The following MRPL1 variants were observed in gnomAD, a reference collection of about 807,000 sequenced individuals.
MRPL1 encodes the protein large ribosomal subunit protein uL1m.
A neutral mutation model predicts 38.0 loss-of-function variants in MRPL1; 28 were observed. The observed-to-expected ratio is 0.74, with a 90% CI of 0.55 to 1.01. The LOEUF (loss-of-function observed/expected upper bound fraction) is 1.01. Ranked by LOEUF, MRPL1 falls within the 50% of genes least tolerant of loss-of-function variation. The probability of loss-of-function intolerance (pLI) is 0.00; values close to 1 mark genes in which losing one functional copy is unlikely to be tolerated. For synonymous variants in MRPL1, 123 were observed against 126.7 expected, an observed-to-expected ratio of 0.97 and a Z score of 0.20; for missense variants, 358 against 389.8, an observed-to-expected ratio of 0.92 and a Z score of 0.69.
chr4:77,940,331 A>C (rs1737088802), intron 7 of MRPL1, among the ~76,000 whole-genome samples: 2 of 152,030 alleles, frequency 1.3e-5, no homozygotes, highest in Non-Finnish European at 2.9e-5. Context: ...TGAGTTCTTG[A>C]CTTGATTCTC....
At chr4:77,927,901 C>T (rs1178055992) in intron 7 of MRPL1, among the ~76,000 whole-genome samples, 1 of 152,118 alleles carries the variant, frequency 6.6e-6, no homozygotes, top group African/African-American at 2.4e-5. Context: ...AGTAAGACAA[C>T]TCAGAGTTAT....
chr4:77,865,804 T>C (rs1735126850), intron 1 of MRPL1, among the ~76,000 whole-genome samples: 1 of 152,188 alleles, frequency 6.6e-6, no homozygotes, highest in Non-Finnish European at 1.5e-5. Context: ...ATCTCTCACT[T>C]GGATTTCTCT....
Position 77,871,851 on chromosome 4 carries a change from A to C in MRPL1, c.139A>C (p.Thr47Pro), listed in dbSNP as rs1211151559. 1 of 1,577,764 alleles carries C rather than the reference A, an allele frequency of 6.3e-7. No homozygotes were observed. The highest frequency in any genetic ancestry group is 8.6e-7 in the Non-Finnish European group (1 of 1,160,182). ...GCCCAACAGACATTTTGCTGCTGCT[A>C]CAAAGTAAGTATTTTTTTTTAGTTA... is the stretch of plus-strand genomic sequence containing the variant. ...RVPNRHFAAA[T>P]KSAKKTKKGA... The change falls in exon 2 of 9, where the codon ACA becomes CCA. Residue 47 changes from threonine to proline, a missense_variant. Coordinates refer to ENST00000315567, the MANE Select transcript of MRPL1 (RefSeq NM_020236.4).
At chr4:77,948,116 C>A (rs905953290) in intron 7 of MRPL1, among the ~76,000 whole-genome samples, 1 of 152,014 alleles carries the variant, frequency 6.6e-6, no homozygotes, top group Non-Finnish European at 1.5e-5. Flanking sequence ...ATATAATATA[C>A]CAATATAGAT....
chr4:77,896,995 T>C (rs1735930641), intron 6 of MRPL1, among the ~76,000 whole-genome samples: 1 of 152,338 alleles, frequency 6.6e-6, no homozygotes, highest in South Asian at 2.1e-4. Context: ...ATATGTTTTG[T>C]TAATTAAAAC....
At chr4:77,867,750 T>A (rs944145582) in intron 1 of MRPL1, among the ~76,000 whole-genome samples, 1 of 43,820 alleles carries the variant, frequency 2.3e-5, no homozygotes, top group Non-Finnish European at 5.4e-5. Flanking sequence ...TTATTTCTTT[T>A]TTTTTTTTTT....
At position 77,920,295 on chromosome 4, in the gene MRPL1, T is replaced by C. The variant is rs148318224; in HGVS notation, c.777+10923T>C. ...AATTCCTTTCAAGTGTACCTGTATATACAAATGAAGCCTTTTAAAATGACT... is the reference window on the plus strand; with the variant it reads ...AATTCCTTTCAAGTGTACCTGTATACACAAATGAAGCCTTTTAAAATGACT... On this transcript the variant is annotated intron_variant, in intron 7 of 8. Transcript: ENST00000315567. Among the ~76,000 whole-genome samples, 639 of 152,308 alleles carry C rather than the reference T, an allele frequency of 4.2e-3. 6 individuals carry two copies. The highest frequency in any genetic ancestry group is 0.015 in the African/African-American group (618 of 41,576).
chr4:77,872,002 A>G (rs1409724328), intron 2 of MRPL1, 147 bp downstream of exon 2: 2 of 615,942 alleles, frequency 3.2e-6, no homozygotes, highest in Non-Finnish European at 5.7e-6. Flanking sequence ...CCTGAAGGAA[A>G]GATAAGACAT....
intron 6 of MRPL1, among the ~76,000 whole-genome samples, chr4:77,905,875 C>A (rs1736146818): frequency 6.6e-6 from 1 of 152,110 alleles, no homozygotes; most frequent in African/African-American, 2.4e-5. Context: ...TTATGAAGTC[C>A]TTTATGTGTT....
At chr4:77,887,132 TG>T in intron 4 of MRPL1, 87 bp from the exon 5 acceptor site, 6 of 1,044,976 alleles carry the variant, frequency 5.7e-6, no homozygotes, top group Non-Finnish European at 5.9e-6. Flanking sequence ...TACTTTGAAC[TG>T]TGATATTATT....
intron 2 of MRPL1, among the ~76,000 whole-genome samples, chr4:77,879,499 T>A (rs896733415): frequency 5.3e-5 from 8 of 152,214 alleles, no homozygotes; most frequent in Non-Finnish European, 1.0e-4. Context: ...TTTATTAATT[T>A]AAAAAGTCAT....
At chr4:77,945,645 A>G (rs1037438107) in intron 7 of MRPL1, among the ~76,000 whole-genome samples, 1 of 151,930 alleles carries the variant, frequency 6.6e-6, no homozygotes, top group Non-Finnish European at 1.5e-5. Context: ...GCTGAGAAAT[A>G]AAGAGTATAA....
rs1186235815 is a variant in MRPL1 at position 77,935,636 on chromosome 4, T to G, written c.778-14161T>G. ...GTCTCGAACTCCTGACCTCAGTTGATCCACCTGCCTTGGCCTGCCAAAGTG... is the reference window on the plus strand; with the variant it reads ...GTCTCGAACTCCTGACCTCAGTTGAGCCACCTGCCTTGGCCTGCCAAAGTG... On this transcript the variant is annotated intron_variant, in intron 7 of 8. Coordinates refer to ENST00000315567, the MANE Select transcript of MRPL1 (RefSeq NM_020236.4). 2.0e-5 allele frequency among the ~76,000 whole-genome samples: 3 copies of G among 152,286 alleles called. No individual in the cohort carries two copies. In the East Asian group the frequency reaches 5.8e-4, roughly 29 times the overall value.
intron 7 of MRPL1, among the ~76,000 whole-genome samples, chr4:77,926,642 T>G (rs1736720332): frequency 6.7e-6 from 1 of 149,034 alleles, no homozygotes; most frequent in Admixed American, 6.8e-5. Context: ...AGAGTCTCAC[T>G]CTGTTGCTCA....
intron 5 of MRPL1, among the ~76,000 whole-genome samples, chr4:77,887,904 G>C (rs1302467032): frequency 6.6e-6 from 1 of 152,100 alleles, no homozygotes; most frequent in Non-Finnish European, 1.5e-5. Flanking sequence ...TTGTCTGAGA[G>C]TTTTGTGGAT....
chr4:77,950,809 C>G (rs1737390933), intron 8 of MRPL1, among the ~76,000 whole-genome samples: 1 of 152,122 alleles, frequency 6.6e-6, no homozygotes, highest in Non-Finnish European at 1.5e-5. Context: ...TGTTGTTATT[C>G]TCTTTTTGCT....
At chr4:77,895,123 A>G (rs1046588762) in intron 6 of MRPL1, among the ~76,000 whole-genome samples, 5 of 152,168 alleles carry the variant, frequency 3.3e-5, no homozygotes, top group Non-Finnish European at 7.4e-5. Flanking sequence ...TCTGCATTCT[A>G]TATTCAGCAG....
intron 5 of MRPL1, among the ~76,000 whole-genome samples, chr4:77,891,694 CAAG>C (rs1735810506): frequency 6.6e-6 from 1 of 152,130 alleles, no homozygotes; most frequent in African/African-American, 2.4e-5. Context: ...AAATGTTAAG[CAAG>C]AAGTTACCTC....
intron 6 of MRPL1, among the ~76,000 whole-genome samples, chr4:77,898,814 G>GT (rs140771801): frequency 0.15 from 22,732 of 148,970 alleles, 1,987 homozygotes; most frequent in African/African-American, 0.23. Flanking sequence ...ACAATTTATA[G>GT]TTTTTTTTTT....
Sources: gnomAD v4.1 joint callset for allele counts (sites outside exome capture counted in the v4.1 genomes callset) on GRCh38, gnomAD v4.1.1 for gene constraint, MANE v1.5 for transcripts, NCBI Gene and HGNC (gene_info 2026-07-23, HGNC 2026-07-21) for gene names.